Variants in FKBP14 observed in about 807,000 individuals in gnomAD.
FKBP14 encodes the protein FKBP prolyl isomerase 14.
A neutral mutation model predicts 21.6 loss-of-function variants in FKBP14; 20 were observed. That is an observed-to-expected ratio of 0.92 (90% CI 0.65 to 1.34). The LOEUF (loss-of-function observed/expected upper bound fraction) is 1.34. Among genes scored for constraint, FKBP14 ranks in the 40% most tolerant of loss-of-function variants. The pLI is 0.00. For synonymous variants in FKBP14, 79 were observed against 86.7 expected, an observed-to-expected ratio of 0.91 and a Z score of 0.49; for missense variants, 253 against 249.0, an observed-to-expected ratio of 1.02 and a Z score of -0.11.
intron 3 of FKBP14, among the ~76,000 whole-genome samples, chr7:30,015,818 C>G (rs576674278): frequency 2.0e-5 from 3 of 151,672 alleles, no homozygotes; most frequent in African/African-American, 7.3e-5. Context: ...GTAGAGACGG[C>G]GTTTCACCGT....
chr7:30,015,367 G>A (rs749384687), intron 3 of FKBP14, among the ~76,000 whole-genome samples: 155 of 152,006 alleles, frequency 1.0e-3, no homozygotes, highest in Middle Eastern at 6.8e-3. Flanking sequence ...GCAGTGAATC[G>A]AGATTGCGCT....
chr7:30,018,497 C>CT (rs1254999703), intron 3 of FKBP14, among the ~76,000 whole-genome samples: 1 of 152,186 alleles, frequency 6.6e-6, no homozygotes, highest in Non-Finnish European at 1.5e-5. Context: ...GCTGGGGTCT[C>CT]TTTTCTCTGG....
chr7:30,008,819 C>A (rs1789660820), downstream of FKBP14, among the ~76,000 whole-genome samples: 2 of 151,580 alleles, frequency 1.3e-5, no homozygotes, highest in South Asian at 2.1e-4. Context: ...ACTAAAAATA[C>A]AAAAAAATTA....
In FKBP14 at chr7:30,018,512, A is replaced by G. The variant is rs114609958; in HGVS notation, c.477+484T>C. ...GCTGGGGTCTCTTTTCTCTGGGGCA[A>G]CCTGAACAAAACAGAGCATGTAAGT... On this transcript the variant is annotated intron_variant, in intron 3 of 3. Transcript: ENST00000222803. 8.5e-3 allele frequency among the ~76,000 whole-genome samples: 1,292 copies of G among 152,294 alleles called. 21 individuals are homozygous for G. The highest frequency in any genetic ancestry group is 0.03 in the African/African-American group (1,242 of 41,538).
intron 1 of FKBP14, among the ~76,000 whole-genome samples, chr7:30,023,541 G>A (rs1274662930): frequency 6.6e-6 from 1 of 152,174 alleles, no homozygotes; most frequent in Non-Finnish European, 1.5e-5. Context: ...TCTACAGTGG[G>A]GCTATATAGG....
rs1345471563 is a variant in FKBP14, at chr7:30,010,692, A to G, written c.*4043T>C. 6.6e-6 allele frequency: 1 copy of G among 152,172 alleles called. No individual in the cohort carries two copies. The highest frequency in any genetic ancestry group is 2.4e-5 in the African/African-American group (1 of 41,434). The allele number at this position is 152,172 out of a possible 1,614,324, so 9.4% of individuals were successfully genotyped here. A position where few individuals can be genotyped will look rare whatever the true frequency, so the allele number is the denominator to read the frequency against. On this transcript the variant is annotated 3_prime_UTR_variant, in exon 4 of 4. Transcript: ENST00000222803. ...TTGACGCAAATTATATAGTCATGTA[A>G]CCATGTTTCGGTCAATGTACAATAT... is the stretch of plus-strand genomic sequence containing the variant.
At chr7:30,019,887 A>G (rs1488184643) in intron 2 of FKBP14, among the ~76,000 whole-genome samples, 1 of 152,164 alleles carries the variant, frequency 6.6e-6, no homozygotes, top group Non-Finnish European at 1.5e-5. Context: ...GATATAGAAC[A>G]TTATATATAT....
intron 2 of FKBP14, chr7:30,022,429 T>C (rs1427433798): frequency 2.5e-6 from 1 of 397,680 alleles, no homozygotes; most frequent in Non-Finnish European, 4.5e-6. Context: ...TTGTGAACAG[T>C]ATTAATAGAC....
downstream of FKBP14, among the ~76,000 whole-genome samples, chr7:30,010,424 C>T (rs927147348): frequency 6.6e-6 from 1 of 152,118 alleles, no homozygotes; most frequent in Non-Finnish European, 1.5e-5. Context: ...TACAAATATA[C>T]CTATACAGAG....
At chr7:30,016,458 A>C (rs1190281362) in intron 3 of FKBP14, among the ~76,000 whole-genome samples, 2 of 151,842 alleles carry the variant, frequency 1.3e-5, no homozygotes, top group Admixed American at 6.6e-5. Flanking sequence ...TAGTGGCACG[A>C]TCTCGGCCCA....
chr7:30,022,246 A>G (rs1790049959), intron 2 of FKBP14: 1 of 153,486 alleles, frequency 6.5e-6, no homozygotes, highest in African/African-American at 2.4e-5. Flanking sequence ...CTGCATTGTT[A>G]AAGTAAATTG....
At chr7:30,017,269 T>C (rs1335463043) in intron 3 of FKBP14, among the ~76,000 whole-genome samples, 1 of 151,820 alleles carries the variant, frequency 6.6e-6, no homozygotes, top group African/African-American at 2.4e-5. Flanking sequence ...AGAAAGACTT[T>C]TAAAAATATG....
chr7:30,015,274 C>G (rs1009614394), intron 3 of FKBP14, among the ~76,000 whole-genome samples: 2 of 151,856 alleles, frequency 1.3e-5, no homozygotes, highest in Non-Finnish European at 2.9e-5. Context: ...AAAAGTTAGC[C>G]AGGCATGATG....
intron 3 of FKBP14, among the ~76,000 whole-genome samples, chr7:30,017,816 C>A (rs937985942): frequency 1.3e-5 from 2 of 152,026 alleles, no homozygotes; most frequent in Non-Finnish European, 2.9e-5. Flanking sequence ...AGTTTGAGAC[C>A]AGCCTGGCCA....
At chr7:30,009,827 TAA>T (rs918480163), downstream of FKBP14, among the ~76,000 whole-genome samples, 147 of 102,378 alleles carry the variant, frequency 1.4e-3, no homozygotes, top group Admixed American at 1.9e-3. Context: ...CTGTCTCTAC[TAA>T]AAAAAAAAAA....
intron 3 of FKBP14, among the ~76,000 whole-genome samples, chr7:30,017,209 T>C (rs1789911392): frequency 1.3e-5 from 2 of 151,116 alleles, no homozygotes; most frequent in African/African-American, 4.9e-5. Context: ...AAAAAAGTAA[T>C]TAATAAAACT....
In FKBP14 at chr7:30,019,186, T is replaced by C. The variant is rs1237464587; in HGVS notation, c.350-63A>G. 4.7e-6 allele frequency: 7 copies of C among 1,505,174 alleles called. No homozygotes were observed. In the African/African-American group the frequency reaches 8.7e-5, roughly 19 times the overall value. The allele number at this position is 1,505,174 out of a possible 1,614,324, so 93.2% of individuals were successfully genotyped here. A position where few individuals can be genotyped will look rare whatever the true frequency, so the allele number is the denominator to read the frequency against. On this transcript the variant is annotated intron_variant, in intron 2 of 3. Transcript: ENST00000222803. ...CCAAAAGTTTTAATAATAGAAAATT[T>C]ATGGTAATGGACAAAGTATTTTTTT...
chr7:30,024,219 C>G lies in FKBP14; in HGVS notation c.198-1403G>C, dbSNP rs576141978. On this transcript the variant is annotated intron_variant, in intron 1 of 3. Transcript: ENST00000222803. ...TTTTCCTGTAATTTTGCCCAATGATCAAAGTAACAAAATGCCAACTGTAGA... is the reference window on the plus strand; with the variant it reads ...TTTTCCTGTAATTTTGCCCAATGATGAAAGTAACAAAATGCCAACTGTAGA... 2.6e-5 allele frequency among the ~76,000 whole-genome samples: 4 copies of G among 152,160 alleles called. No homozygotes were observed. In the East Asian group the frequency reaches 5.8e-4, roughly 22 times the overall value.
intron 3 of FKBP14, among the ~76,000 whole-genome samples, chr7:30,016,307 G>C (rs546187538): frequency 2.6e-5 from 4 of 152,154 alleles, no homozygotes; most frequent in Non-Finnish European, 5.9e-5. Flanking sequence ...CATGTGATTA[G>C]ATTGAGTCTA....
Sources: allele counts gnomAD v4.1 joint callset (sites outside exome capture counted in the v4.1 genomes callset), GRCh38; gene constraint gnomAD v4.1.1; transcripts MANE v1.5; gene names NCBI Gene and HGNC (gene_info 2026-07-23, HGNC 2026-07-21).